THADA: variants seen among roughly 807,000 people sequenced by gnomAD.
THADA encodes the protein tRNA (32-2'-O)-methyltransferase regulator THADA.
Under a neutral mutation model 219.8 loss-of-function variants are expected in THADA, and 213 were observed. The observed-to-expected ratio is 0.97, with a 90% CI of 0.87 to 1.09. The LOEUF is 1.09. Among genes scored for constraint, THADA ranks in the 50% least tolerant of loss-of-function variants. The probability of loss-of-function intolerance (pLI) is 0.00; values close to 1 mark genes in which losing one functional copy is unlikely to be tolerated. For missense variants in THADA, 2,956 were observed against 2,311.3 expected (o/e 1.28, Z -5.72); for synonymous variants, 1,018 against 828.9 (o/e 1.23, Z -3.92).
intron 22 of THADA, 47 bp downstream of exon 22, chr2:43,527,832 G>GTA: frequency 7.6e-7 from 1 of 1,322,568 alleles, no homozygotes; most frequent in South Asian, 1.2e-5. Context: ...CATATGCTTT[G>GTA]TATATTTAGT....
rs558237014 is a variant in THADA at position 43,588,717 on chromosome 2, C to G, written c.303-1715G>C. 5.0e-3 allele frequency among the ~76,000 whole-genome samples: 754 copies of G among 152,116 alleles called. 3 individuals are homozygous for G. The highest frequency in any genetic ancestry group is 8.2e-3 in the Non-Finnish European group (560 of 67,926). ...ATGTTGGAAATATATGAAGAAGAAA[C>G]AAGCATTCTAATTCAATGGGTAGTC... On this transcript the variant is annotated intron_variant, in intron 4 of 37. Transcript: ENST00000405975.
intron 15 of THADA, among the ~76,000 whole-genome samples, chr2:43,561,904 A>G (rs1174601807): frequency 6.6e-6 from 1 of 152,154 alleles, no homozygotes; most frequent in African/African-American, 2.4e-5. Flanking sequence ...GTCCTTCATC[A>G]TCTTGTCCTT....
At chr2:43,486,908 A>G (rs1453267602) in intron 25 of THADA, among the ~76,000 whole-genome samples, 1 of 152,212 alleles carries the variant, frequency 6.6e-6, no homozygotes, top group East Asian at 1.9e-4. Flanking sequence ...CCTACTGGCC[A>G]CCAGTTTGTA....
rs1382714552 is a variant in THADA at position 43,295,362 on chromosome 2, C to T, written c.4439-2149G>A. 2.6e-5 allele frequency among the ~76,000 whole-genome samples: 4 copies of T among 152,268 alleles called. No homozygotes were observed. The East Asian group carries it at 7.7e-4, about 29-fold the overall frequency. Reference sequence around the variant, plus strand: ...CTGGCCCTTGCCTCAAACGCTCTTCCAGGCTCTCACTAATTCATTAACTAG... The same window carrying T: ...CTGGCCCTTGCCTCAAACGCTCTTCTAGGCTCTCACTAATTCATTAACTAG... On this transcript the variant is annotated intron_variant, in intron 31 of 37. Transcript: ENST00000405975.
At chr2:43,280,030 A>C (rs1354998774) in intron 35 of THADA, 134 bp from the exon 36 acceptor site, 2 of 912,012 alleles carry the variant, frequency 2.2e-6, no homozygotes, top group African/African-American at 3.5e-5. Flanking sequence ...GGGTATTGTT[A>C]AGATAGAAAG....
chr2:43,276,878 C>A (rs1672782688), intron 36 of THADA, among the ~76,000 whole-genome samples: 2 of 152,160 alleles, frequency 1.3e-5, no homozygotes, highest in Admixed American at 1.3e-4. Context: ...TTATTTTCCC[C>A]TGGACACCTC....
chr2:43,568,323 T>C (rs1698915250), intron 14 of THADA, among the ~76,000 whole-genome samples: 1 of 152,192 alleles, frequency 6.6e-6, no homozygotes, highest in African/African-American at 2.4e-5. Context: ...TTTCAACTAA[T>C]AGCCTCCTCT....
intron 26 of THADA, among the ~76,000 whole-genome samples, chr2:43,482,896 G>C (rs1260093539): frequency 6.6e-6 from 1 of 152,180 alleles, no homozygotes; most frequent in East Asian, 1.9e-4. Context: ...AGCCCTAGGA[G>C]TAGACAGCAC....
In THADA at chr2:43,398,066, G is replaced by C; in HGVS notation, c.4132C>G (p.His1378Asp). The stretch of plus-strand genomic sequence containing the variant: ...AGAGTTCGAATGGTATTAGGAATGT[G>C]ATCTATCATAACAAATGGGACCAAG... ...RALVPFVMIDHIPNTIRTLLS... is the reference protein window; with the variant it reads ...RALVPFVMIDDIPNTIRTLLS... Residue 1378 changes from histidine (H) to aspartate (D), a missense_variant, in exon 29 of 38, where the codon CAC becomes GAC. By Grantham distance (81) the His-to-Asp change is moderately conservative (BLOSUM62 -1). Coordinates refer to ENST00000405975, the MANE Select transcript of THADA (RefSeq NM_022065.5). 1 of 1,613,984 alleles carries C rather than the reference G, an allele frequency of 6.2e-7. No homozygotes were observed. The highest frequency in any genetic ancestry group is 8.5e-7 in the Non-Finnish European group (1 of 1,179,866).
intron 25 of THADA, chr2:43,492,087 TG>T (rs1162091081): frequency 5.3e-5 from 8 of 152,258 alleles, no homozygotes; most frequent in African/African-American, 1.9e-4. Flanking sequence ...CCGAGGCAGA[TG>T]GATTGCTTGA....
At chr2:43,312,407 T>A (rs1677619096) in intron 31 of THADA, among the ~76,000 whole-genome samples, 1 of 152,148 alleles carries the variant, frequency 6.6e-6, no homozygotes, top group South Asian at 2.1e-4. Flanking sequence ...AAGCTCACCC[T>A]TTTCACTAAC....
chr2:43,584,755 T>C (rs1406202812), intron 7 of THADA, among the ~76,000 whole-genome samples: 4 of 152,128 alleles, frequency 2.6e-5, no homozygotes, highest in Admixed American at 2.6e-4. Flanking sequence ...TAGTCCCAAA[T>C]GGCTCAGAAA....
At chr2:43,333,951 T>G (rs976984552) in intron 30 of THADA, among the ~76,000 whole-genome samples, 7 of 152,198 alleles carry the variant, frequency 4.6e-5, no homozygotes, top group African/African-American at 1.7e-4. Flanking sequence ...TGTAAGTCTC[T>G]TGTGTGAATA....
chr2:43,535,628 C>T (rs1476074647), intron 21 of THADA, among the ~76,000 whole-genome samples: 1 of 140,812 alleles, frequency 7.1e-6, no homozygotes, highest in Non-Finnish European at 1.5e-5. Flanking sequence ...TTCATCTAAA[C>T]CCGAGACAGC....
At chr2:43,281,661 C>A (rs997114594) in intron 35 of THADA, among the ~76,000 whole-genome samples, 2 of 151,988 alleles carry the variant, frequency 1.3e-5, no homozygotes, top group African/African-American at 4.8e-5. Context: ...GGCTCAAACT[C>A]CTGACCTCAG....
At chr2:43,571,516 A>T (rs556763146) in intron 13 of THADA, among the ~76,000 whole-genome samples, 191 bp downstream of exon 13, 1 of 151,974 alleles carries the variant, frequency 6.6e-6, no homozygotes, top group East Asian at 1.9e-4. Flanking sequence ...CGTGCTTTTC[A>T]CTCTGGATTT....
chr2:43,490,876 A>T (rs762546646), intron 25 of THADA, among the ~76,000 whole-genome samples: 1 of 152,050 alleles, frequency 6.6e-6, no homozygotes, highest in Non-Finnish European at 1.5e-5. Flanking sequence ...ATCCTCCTCA[A>T]ATTTGAGGAG....
At chr2:43,269,516 C>T (rs1050579162) in intron 36 of THADA, among the ~76,000 whole-genome samples, 5 of 152,166 alleles carry the variant, frequency 3.3e-5, no homozygotes, top group Non-Finnish European at 5.9e-5. Flanking sequence ...CTGCCAGTGA[C>T]GCACTCGCTG....
chr2:43,289,138 A>G (rs1371787074), intron 34 of THADA, among the ~76,000 whole-genome samples: 1 of 152,240 alleles, frequency 6.6e-6, no homozygotes, highest in Non-Finnish European at 1.5e-5. Flanking sequence ...CGTAGGATGT[A>G]TCTGTACTTC....
Sources: gnomAD v4.1 joint callset for allele counts (sites outside exome capture counted in the v4.1 genomes callset) on GRCh38, gnomAD v4.1.1 for gene constraint, MANE v1.5 for transcripts, NCBI Gene and HGNC (gene_info 2026-07-23, HGNC 2026-07-21) for gene names.